Variants in BCKDHB observed in about 807,000 individuals in gnomAD.
BCKDHB encodes 2-oxoisovalerate dehydrogenase subunit beta, mitochondrial.
In BCKDHB, 41 loss-of-function variants were observed where a neutral mutation model predicts 48.5. The observed-to-expected ratio is 0.85, with a 90% CI of 0.66 to 1.10. The LOEUF is 1.10. Among genes scored for constraint, BCKDHB ranks in the 50% least tolerant of loss-of-function variants. The pLI is 0.00. For missense variants in BCKDHB, 496 were observed against 494.2 expected (o/e 1.00, Z -0.03); for synonymous variants, 201 against 174.8 (o/e 1.15, Z -1.18).
intron 8 of BCKDHB, among the ~76,000 whole-genome samples, chr6:80,271,659 A>G (rs1421260748): frequency 6.6e-6 from 1 of 152,090 alleles, no homozygotes; most frequent in East Asian, 1.9e-4. Flanking sequence ...TGCACCAGAT[A>G]GCTTGGATGG....
intron 9 of BCKDHB, among the ~76,000 whole-genome samples, chr6:80,308,286 A>G (rs1767976294): frequency 1.3e-5 from 2 of 152,090 alleles, no homozygotes; most frequent in Admixed American, 6.5e-5. Flanking sequence ...AACTTGTTCA[A>G]AAGTCGTGTT....
intron 8 of BCKDHB, among the ~76,000 whole-genome samples, chr6:80,272,358 T>A (rs1366094774): frequency 2.0e-5 from 3 of 152,168 alleles, no homozygotes; most frequent in African/African-American, 7.2e-5. Context: ...AAGACAAAAC[T>A]GCCATTTCTC....
rs1018844582 is a variant in BCKDHB at position 80,297,125 on chromosome 6, C to T, written c.1038+23904C>T. On this transcript the variant is annotated intron_variant, in intron 9 of 9. Coordinates refer to ENST00000320393, the MANE Select transcript of BCKDHB (RefSeq NM_183050.4). ...GACTGTTTCCAGCATAGCAAGGGGG[C>T]ATGGCTTTCCACATGTCCCAGGTCT... Among the ~76,000 whole-genome samples, 4 of 152,212 alleles carry T rather than the reference C, an allele frequency of 2.6e-5. No individual in the cohort carries two copies. The South Asian group carries it at 8.3e-4, about 32-fold the overall frequency.
At chr6:80,313,539 T>C (rs1768273607) in intron 9 of BCKDHB, among the ~76,000 whole-genome samples, 1 of 152,156 alleles carries the variant, frequency 6.6e-6, no homozygotes, top group South Asian at 2.1e-4. Flanking sequence ...TTTTGTATTT[T>C]TAGTAGAGAC....
At chr6:80,141,643 G>A (rs1265001208) in intron 3 of BCKDHB, among the ~76,000 whole-genome samples, 1 of 152,014 alleles carries the variant, frequency 6.6e-6, no homozygotes, top group African/African-American at 2.4e-5. Context: ...TTGGAAGATA[G>A]GCTTGGATTA....
the BCKDHB span, among the ~76,000 whole-genome samples, chr6:80,394,953 G>C: frequency 9.2e-5 from 14 of 152,076 alleles, no homozygotes; most frequent in Admixed American, 2.0e-4. Context: ...CTGTTTGTTT[G>C]GCATATCTCT....
chr6:80,277,523 G>GA (rs3840384), intron 9 of BCKDHB, among the ~76,000 whole-genome samples: 11,929 of 151,912 alleles, frequency 0.079, 654 homozygotes, highest in South Asian at 0.24. Context: ...CCTGCATAAT[G>GA]AAAAAACAAA....
At chr6:80,436,147 CTTTTTTTTTTT>C in the BCKDHB span, among the ~76,000 whole-genome samples, 39 of 70,340 alleles carry the variant, frequency 5.5e-4, no homozygotes, top group African/African-American at 1.5e-3. Flanking sequence ...AAATTCTTTT[CTTTTTTTTTTT>C]TTTTTTTTTT....
intron 6 of BCKDHB, among the ~76,000 whole-genome samples, chr6:80,186,348 G>T (rs570027705): frequency 6.6e-6 from 1 of 152,106 alleles, no homozygotes; most frequent in African/African-American, 2.4e-5. Context: ...GGGAAGGGGG[G>T]AAAGCCGGCA....
At chr6:80,266,129 A>T (rs753311877) in intron 8 of BCKDHB, among the ~76,000 whole-genome samples, 3 of 152,136 alleles carry the variant, frequency 2.0e-5, no homozygotes, top group Non-Finnish European at 2.9e-5. Flanking sequence ...GACCTTTTCA[A>T]CAGTTTTCTA....
chr6:80,450,305 G>A, the BCKDHB span, among the ~76,000 whole-genome samples: 1 of 152,292 alleles, frequency 6.6e-6, no homozygotes, highest in Non-Finnish European at 1.5e-5. Context: ...TGCTTTGAGT[G>A]TATTAATCAG....
chr6:80,320,684 A>G (rs1768673819), intron 9 of BCKDHB, among the ~76,000 whole-genome samples: 1 of 152,198 alleles, frequency 6.6e-6, no homozygotes, highest in African/African-American at 2.4e-5. Context: ...ATAAAATTGC[A>G]AAAGTTATAT....
At chr6:80,449,241 T>A in the BCKDHB span, among the ~76,000 whole-genome samples, 1 of 152,324 alleles carries the variant, frequency 6.6e-6, no homozygotes, top group East Asian at 1.9e-4. Context: ...TACTGTAGAA[T>A]GCCCTAAACT....
the BCKDHB span, among the ~76,000 whole-genome samples, chr6:80,453,659 G>C: frequency 6.6e-6 from 1 of 152,276 alleles, no homozygotes; most frequent in East Asian, 1.9e-4. Flanking sequence ...ATGAGACACT[G>C]TGTTGGTGAG....
chr6:80,443,221 A>G, the BCKDHB span: 1 of 152,220 alleles, frequency 6.6e-6, no homozygotes, highest in Non-Finnish European at 1.5e-5. Flanking sequence ...GAGGCTGAAA[A>G]AAAACAGATA....
chr6:80,368,572 GTGA>G, the BCKDHB span, among the ~76,000 whole-genome samples: 5 of 152,120 alleles, frequency 3.3e-5, no homozygotes, highest in Non-Finnish European at 7.3e-5. Context: ...AACAGGAACC[GTGA>G]TGATATTAAT....
the BCKDHB span, among the ~76,000 whole-genome samples, chr6:80,382,311 C>T: frequency 1.3e-5 from 2 of 151,204 alleles, no homozygotes; most frequent in Admixed American, 1.3e-4. Context: ...AAGAAAGTTA[C>T]TAAAAGAGCA....
chr6:80,356,326 T>G, the BCKDHB span: 2 of 152,194 alleles, frequency 1.3e-5, no homozygotes, highest in Non-Finnish European at 2.9e-5. Context: ...GATGTTATTT[T>G]CTGAACAATA....
upstream of BCKDHB, chr6:80,106,649 G>T: frequency 6.5e-7 from 1 of 1,538,442 alleles, no homozygotes; most frequent in Non-Finnish European, 8.8e-7. Flanking sequence ...CTCCCCGCAG[G>T]CGGCGTGCGG....
Sources: gnomAD v4.1 joint callset for allele counts (sites outside exome capture counted in the v4.1 genomes callset) on GRCh38, gnomAD v4.1.1 for gene constraint, MANE v1.5 for transcripts, NCBI Gene and HGNC (gene_info 2026-07-23, HGNC 2026-07-21) for gene names.